FAT3: variants seen among roughly 807,000 people sequenced by gnomAD.
FAT3 encodes the protein protocadherin Fat 3.
Under a neutral mutation model 310.2 loss-of-function variants are expected in FAT3, and 95 were observed. The observed-to-expected ratio is 0.31, with a 90% CI of 0.26 to 0.36. The LOEUF (loss-of-function observed/expected upper bound fraction) is 0.36. Ranked by LOEUF, FAT3 falls within the 10% of genes least tolerant of loss-of-function variation. The pLI, the probability that FAT3 is intolerant of heterozygous loss-of-function variation, is 1.00. For missense variants in FAT3, 5,408 were observed against 5,715.6 expected (o/e 0.95, Z 1.74); for synonymous variants, 2,314 against 2,192.9 (o/e 1.06, Z -1.54).
chr11:92,880,176 C>T (rs1949640601), intron 22 of FAT3, among the ~76,000 whole-genome samples: 1 of 150,946 alleles, frequency 6.6e-6, no homozygotes, highest in Non-Finnish European at 1.5e-5. Context: ...ACCAGGGGAG[C>T]TGGGCAAAGG....
chr11:92,599,593 C>T (rs986035956), intron 3 of FAT3, among the ~76,000 whole-genome samples: 17 of 152,154 alleles, frequency 1.1e-4, no homozygotes, highest in Non-Finnish European at 2.2e-4. Flanking sequence ...AGCACCAACC[C>T]CCATCATTAT....
At chr11:92,808,412 C>A (rs1591762788) in intron 12 of FAT3, among the ~76,000 whole-genome samples, 1 of 152,106 alleles carries the variant, frequency 6.6e-6, no homozygotes, top group African/African-American at 2.4e-5. Context: ...CAGGACACTG[C>A]AAGTTATAGG....
intron 8 of FAT3, 71 bp from the exon 9 acceptor site, chr11:92,792,696 C>G (rs1341799758): frequency 1.6e-5 from 23 of 1,475,124 alleles, no homozygotes; most frequent in Non-Finnish European, 2.1e-5. Context: ...TGTTTTCACC[C>G]CAAACATAGC....
intron 1 of FAT3, among the ~76,000 whole-genome samples, chr11:92,258,967 C>G (rs1304871321): frequency 1.3e-5 from 2 of 148,704 alleles, no homozygotes; most frequent in Non-Finnish European, 1.5e-5. Context: ...AAGATGGTGG[C>G]ATTAACAGAA....
At chr11:92,423,762 A>G (rs972744904) in intron 2 of FAT3, among the ~76,000 whole-genome samples, 1 of 152,222 alleles carries the variant, frequency 6.6e-6, no homozygotes, top group Non-Finnish European at 1.5e-5. Flanking sequence ...AGGCTGGCCA[A>G]TCAGGTAAGA....
intron 2 of FAT3, among the ~76,000 whole-genome samples, chr11:92,430,974 T>G (rs1950755931): frequency 6.6e-6 from 1 of 152,200 alleles, no homozygotes; most frequent in Non-Finnish European, 1.5e-5. Context: ...TAAACATACG[T>G]GTGCATGTGT....
intron 3 of FAT3, among the ~76,000 whole-genome samples, chr11:92,655,214 T>A (rs907157214): frequency 1.3e-5 from 2 of 152,176 alleles, no homozygotes; most frequent in African/African-American, 4.8e-5. Flanking sequence ...GGTAAATGAA[T>A]GAATGAATGA....
intron 1 of FAT3, among the ~76,000 whole-genome samples, chr11:92,345,192 CT>C (rs1209420568): frequency 2.0e-5 from 3 of 152,012 alleles, no homozygotes; most frequent in African/African-American, 7.2e-5. Context: ...CTGGAGCCTG[CT>C]GTAGAGTTAA....
At chr11:92,505,288 G>A (rs1376065706) in intron 2 of FAT3, among the ~76,000 whole-genome samples, 2 of 152,138 alleles carry the variant, frequency 1.3e-5, no homozygotes, top group Non-Finnish European at 2.9e-5. Flanking sequence ...TTCTGCTGGG[G>A]AGAATGGTTC....
rs2136352877 is a variant in FAT3 at position 92,867,175 on chromosome 11, G to A, written c.12093G>A (p.Gln4031=). ...ACGCCTGCAAGCGCAGCCCGTGCCA[G>A]CACGGGGGCAGCTGCACTGGCCTGC... ...YPDACKRSPC[Q]HGGSCTGLPS... The change falls in exon 22 of 28, where the codon CAG becomes CAA. Residue 4031 remains glutamine, a synonymous_variant. Transcript: ENST00000525166. 1 of 1,590,112 alleles carries A rather than the reference G, an allele frequency of 6.3e-7. No homozygotes were observed. The highest frequency in any genetic ancestry group is 1.7e-5 in the Admixed American group (1 of 57,266).
At chr11:92,754,948 T>A (rs570965586) in intron 4 of FAT3, among the ~76,000 whole-genome samples, 1 of 152,252 alleles carries the variant, frequency 6.6e-6, no homozygotes, top group East Asian at 1.9e-4. Context: ...GAACATTATG[T>A]TAACTCAAAT....
intron 22 of FAT3, among the ~76,000 whole-genome samples, chr11:92,874,011 GGTT>G (rs1949460726): frequency 1.3e-5 from 2 of 152,062 alleles, no homozygotes; most frequent in African/African-American, 2.4e-5. Flanking sequence ...TATGGCATAG[GGTT>G]GTTGTAAGAA....
intron 18 of FAT3, among the ~76,000 whole-genome samples, chr11:92,843,123 G>A (rs2136288091): frequency 6.6e-6 from 1 of 152,290 alleles, no homozygotes; most frequent in Admixed American, 6.5e-5. Flanking sequence ...ACAGAGACAA[G>A]ATTCAAACTC....
chr11:92,551,009 G>A lies in FAT3; in HGVS notation c.3607+26061G>A, dbSNP rs549741186. Among the ~76,000 whole-genome samples, 12 of 151,688 alleles carry A rather than the reference G, an allele frequency of 7.9e-5. No homozygotes were observed. The East Asian group carries it at 2.0e-3, about 25-fold the overall frequency. ...ACACCATCCTCAGTCTTTAAGCATC[G>A]CCCAGTCCCCGTATTCTGAACTATC... is the stretch of plus-strand genomic sequence containing the variant. On this transcript the variant is annotated intron_variant, in intron 3 of 27. Coordinates refer to ENST00000525166, the MANE Select transcript of FAT3 (RefSeq NM_001367949.2).
At chr11:92,564,555 ACT>A (rs1955359554) in intron 3 of FAT3, among the ~76,000 whole-genome samples, 1 of 151,928 alleles carries the variant, frequency 6.6e-6, no homozygotes, top group Non-Finnish European at 1.5e-5. Flanking sequence ...CATCTGCAGA[ACT>A]CTCCACCCCA....
intron 3 of FAT3, among the ~76,000 whole-genome samples, chr11:92,580,780 C>T (rs1163751085): frequency 2.0e-5 from 3 of 152,054 alleles, no homozygotes; most frequent in African/African-American, 7.2e-5. Context: ...TGTGGTCTGG[C>T]CTTCTCTTGG....
intron 3 of FAT3, among the ~76,000 whole-genome samples, chr11:92,695,608 A>G (rs531395589): frequency 4.5e-4 from 68 of 152,314 alleles, no homozygotes; most frequent in African/African-American, 1.5e-3. Context: ...AAACTGAAGA[A>G]TAGAATACAG....
intron 3 of FAT3, among the ~76,000 whole-genome samples, chr11:92,645,916 G>T (rs961691695): frequency 6.6e-6 from 1 of 151,992 alleles, no homozygotes; most frequent in African/African-American, 2.4e-5. Context: ...GAAGTGAATG[G>T]GTAAATGAAG....
At chr11:92,857,890 A>T (rs1370923588) in intron 20 of FAT3, among the ~76,000 whole-genome samples, 1 of 152,176 alleles carries the variant, frequency 6.6e-6, no homozygotes, top group African/African-American at 2.4e-5. Context: ...AGGAAAAAAA[A>T]ATCAGTATTT....
Sources: allele counts gnomAD v4.1 joint callset (sites outside exome capture counted in the v4.1 genomes callset), GRCh38; gene constraint gnomAD v4.1.1; transcripts MANE v1.5; gene names NCBI Gene and HGNC (gene_info 2026-07-23, HGNC 2026-07-21).